LRRC8C: variants seen among roughly 807,000 people sequenced by gnomAD.
The protein encoded by LRRC8C is volume-regulated anion channel subunit LRRC8C.
In LRRC8C, 20 loss-of-function variants were observed where a neutral mutation model predicts 55.3. That is an observed-to-expected ratio of 0.36 (90% CI 0.25 to 0.53). The LOEUF (loss-of-function observed/expected upper bound fraction) is 0.53. LRRC8C is among the 20% of genes least tolerant of loss of function. The pLI, the probability that LRRC8C is intolerant of heterozygous loss-of-function variation, is 0.92. For synonymous variants in LRRC8C, 376 were observed against 360.7 expected (o/e 1.04, Z -0.48); for missense variants, 659 against 951.4 (o/e 0.69, Z 4.04).
chr1:89,678,179 G>C (rs1382850119), intron 1 of LRRC8C, among the ~76,000 whole-genome samples: 1 of 152,136 alleles, frequency 6.6e-6, no homozygotes, highest in Non-Finnish European at 1.5e-5. Flanking sequence ...CATATACTTT[G>C]CTTTTAGCTT....
intron 1 of LRRC8C, among the ~76,000 whole-genome samples, chr1:89,647,513 A>G (rs1191466871): frequency 6.6e-6 from 1 of 152,198 alleles, no homozygotes; most frequent in Non-Finnish European, 1.5e-5. Flanking sequence ...TTGAAATACT[A>G]AAAAGCAGCA....
the LRRC8C span, among the ~76,000 whole-genome samples, chr1:89,618,867 T>C: frequency 6.6e-6 from 1 of 152,224 alleles, no homozygotes; most frequent in Non-Finnish European, 1.5e-5. Flanking sequence ...CATACTCCCA[T>C]TGGTTTCTGG....
intron 2 of LRRC8C, among the ~76,000 whole-genome samples, chr1:89,686,830 A>G (rs1657897591): frequency 6.6e-6 from 1 of 152,226 alleles, no homozygotes; most frequent in Non-Finnish European, 1.5e-5. Context: ...GAGCCCAAAG[A>G]GCAATTGACT....
At chr1:89,644,025 A>G (rs911904316) in intron 1 of LRRC8C, among the ~76,000 whole-genome samples, 6 of 152,272 alleles carry the variant, frequency 3.9e-5, no homozygotes, top group Non-Finnish European at 8.8e-5. Flanking sequence ...ATTAAGGGTT[A>G]GAGATAATAA....
rs1658760242 is a variant in LRRC8C at position 89,714,669 on chromosome 1, CT to C, written c.2100del (p.Glu701LysfsTer34). 6.2e-7 allele frequency: 1 copy of C among 1,614,058 alleles called. No homozygotes were observed. Among genetic ancestry groups the C allele is most frequent in the Admixed American group, 1.7e-5 (1 of 60,004 alleles). On this transcript the variant is annotated frameshift_variant, in exon 3 of 3. Transcript: ENST00000370454. LOFTEE classifies it high-confidence loss of function. The surrounding 1 kb of genome is among the most constrained non-coding windows in gnomAD (Gnocchi z 4.6). ...TACAATGACATTCGATTTATCCCCC[CT>C]GAAATTGGAGTTCTACAAAGTTTAC... Reference protein sequence around the residue: ...LSYNDIRFIPPEIGVLQSLQY... With the variant: ...LSYNDIRFIPXEIGVLQSLQY...
chr1:89,679,518 C>T (rs140971296), intron 1 of LRRC8C, among the ~76,000 whole-genome samples: 34 of 152,270 alleles, frequency 2.2e-4, no homozygotes, highest in Admixed American at 6.5e-4. Context: ...CACGCCACTG[C>T]ACTCCAGCCA....
intron 2 of LRRC8C, among the ~76,000 whole-genome samples, chr1:89,687,543 G>A (rs1657914887): frequency 6.6e-6 from 1 of 152,194 alleles, no homozygotes; most frequent in Admixed American, 6.5e-5. Flanking sequence ...ATGTGATGAG[G>A]AAGATAGTGT....
chr1:89,630,157 A>G (rs1299302908), upstream of LRRC8C, among the ~76,000 whole-genome samples: 1 of 152,150 alleles, frequency 6.6e-6, no homozygotes, highest in African/African-American at 2.4e-5. Flanking sequence ...AGAAAAAATT[A>G]ATTAATTACG....
At chr1:89,705,242 G>A (rs1335224917) in intron 2 of LRRC8C, among the ~76,000 whole-genome samples, 4 of 130,696 alleles carry the variant, frequency 3.1e-5, no homozygotes, top group African/African-American at 8.8e-5. Flanking sequence ...ATGGACACAG[G>A]AAGGGGAACA....
At chr1:89,708,283 G>T (rs1169666849) in intron 2 of LRRC8C, among the ~76,000 whole-genome samples, 1 of 152,114 alleles carries the variant, frequency 6.6e-6, no homozygotes, top group African/African-American at 2.4e-5. Flanking sequence ...TTTGTAGAAG[G>T]GGATGCGGTT....
chr1:89,711,715 C>T (rs1478421131), intron 2 of LRRC8C, among the ~76,000 whole-genome samples: 4 of 152,224 alleles, frequency 2.6e-5, no homozygotes, highest in African/African-American at 9.6e-5. Context: ...GACATTCTTA[C>T]AGCTTAATAT....
At chr1:89,623,439 G>A in the LRRC8C span, among the ~76,000 whole-genome samples, 9 of 152,130 alleles carry the variant, frequency 5.9e-5, no homozygotes, top group African/African-American at 1.9e-4. Context: ...TGCCACAAGA[G>A]AGGCTGGGCA....
intron 2 of LRRC8C, among the ~76,000 whole-genome samples, chr1:89,698,314 C>T (rs1430793564): frequency 6.6e-6 from 1 of 152,084 alleles, no homozygotes; most frequent in Non-Finnish European, 1.5e-5. Flanking sequence ...TGGTTTGTTC[C>T]TCCTTAGGGA....
Position 89,686,496 on chromosome 1 carries a change from G to T in LRRC8C, c.23G>T (p.Arg8Leu). Residue 8 changes from arginine (R) to leucine (L), a missense_variant, in exon 2 of 3, where the codon CGG becomes CTG. Around this residue, in one of 5 missense-constraint regions of LRRC8C, gnomAD observed 16 missense variants for 16.6 expected, o/e 0.96. Coordinates refer to ENST00000370454, the MANE Select transcript of LRRC8C (RefSeq NM_032270.5). Reference sequence around the variant, plus strand: ...AACATGATTCCCGTGACAGAATTCCGGCAGTTCTCTGAGCAGCAGCCTGCC... The same window carrying T: ...AACATGATTCCCGTGACAGAATTCCTGCAGTTCTCTGAGCAGCAGCCTGCC... MIPVTEF[R>L]QFSEQQPAFR... 6.2e-7 allele frequency: 1 copy of T among 1,614,066 alleles called. No homozygotes were observed. The highest frequency in any genetic ancestry group is 1.1e-5 in the South Asian group (1 of 91,072).
intron 1 of LRRC8C, among the ~76,000 whole-genome samples, chr1:89,680,299 G>C (rs530887691): frequency 2.7e-4 from 41 of 152,012 alleles, no homozygotes; most frequent in Non-Finnish European, 1.5e-5. Context: ...GGATGGTCTC[G>C]ATCTCCTGAC....
intron 2 of LRRC8C, among the ~76,000 whole-genome samples, chr1:89,693,073 TC>T (rs1251543121): frequency 6.6e-6 from 1 of 152,136 alleles, no homozygotes; most frequent in East Asian, 1.9e-4. Flanking sequence ...TTTCCTGCTT[TC>T]TGAATTTGGA....
intron 1 of LRRC8C, among the ~76,000 whole-genome samples, chr1:89,680,492 G>A (rs1487608137): frequency 6.7e-6 from 1 of 148,782 alleles, no homozygotes; most frequent in Non-Finnish European, 1.5e-5. Flanking sequence ...GTCTGGAGAT[G>A]GCCACAGGAT....
At chr1:89,703,955 A>G (rs1185143267) in intron 2 of LRRC8C, among the ~76,000 whole-genome samples, 1 of 152,098 alleles carries the variant, frequency 6.6e-6, no homozygotes, top group Non-Finnish European at 1.5e-5. Flanking sequence ...GCAGAAACCT[A>G]AAAAAATTAT....
chr1:89,653,133 C>G (rs569654110), intron 1 of LRRC8C, among the ~76,000 whole-genome samples: 1 of 152,270 alleles, frequency 6.6e-6, no homozygotes, highest in Admixed American at 6.5e-5. Context: ...AAGGATCACT[C>G]TGGCTGTGGT....
Sources: gnomAD v4.1 joint callset for allele counts (sites outside exome capture counted in the v4.1 genomes callset) on GRCh38, gnomAD v4.1.1 for gene constraint, gnomAD v4.1.1 regional missense constraint, Gnocchi (gnomAD v3.1) non-coding constraint, MANE v1.5 for transcripts, NCBI Gene and HGNC (gene_info 2026-07-23, HGNC 2026-07-21) for gene names.